FNBP1L: variants seen among roughly 807,000 people sequenced by gnomAD.
FNBP1L encodes formin-binding protein 1-like.
FNBP1L carries 36 observed loss-of-function variants against 91.2 expected under a neutral mutation model. That is an observed-to-expected ratio of 0.39 (90% CI 0.30 to 0.52). The LOEUF (loss-of-function observed/expected upper bound fraction) is 0.52. Among genes scored for constraint, FNBP1L ranks in the 20% least tolerant of loss-of-function variants. FNBP1L has a pLI of 0.66. For missense variants in FNBP1L, 571 were observed against 732.1 expected (o/e 0.78, Z 2.54); for synonymous variants, 242 against 237.0 (o/e 1.02, Z -0.19).
intron 2 of FNBP1L, among the ~76,000 whole-genome samples, chr1:93,517,171 G>A (rs576011410): frequency 4.0e-5 from 6 of 151,646 alleles, no homozygotes; most frequent in African/African-American, 1.2e-4. Context: ...ACCCTCCCGA[G>A]TAGCTGAGAC....
intron 1 of FNBP1L, among the ~76,000 whole-genome samples, chr1:93,487,082 G>A (rs1436671029): frequency 2.6e-5 from 4 of 152,084 alleles, no homozygotes; most frequent in Non-Finnish European, 4.4e-5. Flanking sequence ...CAACAGAACT[G>A]CTCTTAAGAC....
chr1:93,470,625 C>T (rs1669250403), intron 1 of FNBP1L, among the ~76,000 whole-genome samples: 3 of 151,958 alleles, frequency 2.0e-5, no homozygotes, highest in Admixed American at 6.6e-5. Flanking sequence ...GTAATCCTAG[C>T]ACTTTGGGAG....
intron 2 of FNBP1L, among the ~76,000 whole-genome samples, chr1:93,513,064 C>G (rs1670923511): frequency 6.6e-6 from 1 of 151,538 alleles, no homozygotes; most frequent in African/African-American, 2.4e-5. Flanking sequence ...CAAATAGACG[C>G]AATAAAAAAT....
chr1:93,534,954 A>G, intron 9 of FNBP1L, 46 bp downstream of exon 9: 4 of 1,447,702 alleles, frequency 2.8e-6, no homozygotes, highest in Non-Finnish European at 3.8e-6. Flanking sequence ...TAAGTGTACC[A>G]ACTAAAACAA....
At position 93,553,930 on chromosome 1, in the gene FNBP1L, T is replaced by G. The variant is rs1672495771; in HGVS notation, c.*1514T>G. Reference sequence around the variant, plus strand: ...GTGAAATGGTTTGTGTATTATTGAATTTTAAGCAATATTTTAGAAGCTGTG... The same window carrying G: ...GTGAAATGGTTTGTGTATTATTGAAGTTTAAGCAATATTTTAGAAGCTGTG... On this transcript the variant is annotated 3_prime_UTR_variant, in exon 17 of 17. Transcript: ENST00000271234. The G allele has an allele frequency of 6.6e-6, 1 of 152,624 alleles. No homozygotes were observed. The allele number at this position is 152,624 out of a possible 1,614,324, so 9.5% of individuals were successfully genotyped here. A position where few individuals can be genotyped will look rare whatever the true frequency, so the allele number is the denominator to read the frequency against.
intron 1 of FNBP1L, among the ~76,000 whole-genome samples, chr1:93,448,967 G>A (rs1668383676): frequency 6.6e-6 from 1 of 152,250 alleles, no homozygotes; most frequent in Admixed American, 6.5e-5. Flanking sequence ...GGCCACCCCC[G>A]GCTGCAGCCT....
intron 1 of FNBP1L, among the ~76,000 whole-genome samples, chr1:93,478,013 T>C (rs1270667846): frequency 6.6e-6 from 1 of 152,186 alleles, no homozygotes; most frequent in African/African-American, 2.4e-5. Context: ...ACAGATTCAC[T>C]TTGGTTGTAG....
chr1:93,455,995 TG>T (rs968262814), intron 1 of FNBP1L, among the ~76,000 whole-genome samples: 1 of 152,226 alleles, frequency 6.6e-6, no homozygotes, highest in African/African-American at 2.4e-5. Flanking sequence ...TACCTGGGCA[TG>T]GGGGTACACC....
At chr1:93,542,238 T>G (rs899903670) in intron 11 of FNBP1L, among the ~76,000 whole-genome samples, 1 of 151,972 alleles carries the variant, frequency 6.6e-6, no homozygotes, top group African/African-American at 2.4e-5. Flanking sequence ...AGAGCTATGA[T>G]CACTCAACTG....
chr1:93,476,747 C>CT (rs576560576), intron 1 of FNBP1L, among the ~76,000 whole-genome samples: 326 of 152,080 alleles, frequency 2.1e-3, no homozygotes, highest in African/African-American at 7.6e-3. Flanking sequence ...TGCAAATACT[C>CT]TTAAACAGGA....
chr1:93,551,339 T>G (rs1230861948), intron 16 of FNBP1L: 29 of 1,182,424 alleles, frequency 2.5e-5, no homozygotes, highest in Non-Finnish European at 2.5e-5. Context: ...TGAAGCTTAA[T>G]TGATGCCTTT....
intron 2 of FNBP1L, among the ~76,000 whole-genome samples, chr1:93,505,156 G>T (rs1670568237): frequency 7.2e-6 from 1 of 139,402 alleles, no homozygotes; most frequent in African/African-American, 2.8e-5. Flanking sequence ...TTGTCGCCCA[G>T]CCTGGAGTGC....
intron 1 of FNBP1L, among the ~76,000 whole-genome samples, chr1:93,462,121 T>G (rs956170802): frequency 6.6e-6 from 1 of 152,128 alleles, no homozygotes; most frequent in Non-Finnish European, 1.5e-5. Context: ...GAAAGAGTCA[T>G]GAAACAAAAG....
chr1:93,482,228 T>C (rs1225530144), intron 1 of FNBP1L, among the ~76,000 whole-genome samples: 2 of 152,036 alleles, frequency 1.3e-5, no homozygotes, highest in African/African-American at 4.8e-5. Context: ...CCCAAAAAAT[T>C]TTTTTGTTTG....
intron 1 of FNBP1L, among the ~76,000 whole-genome samples, chr1:93,489,199 C>T (rs1221649013): frequency 6.6e-6 from 1 of 151,912 alleles, no homozygotes; most frequent in Non-Finnish European, 1.5e-5. Context: ...TAGAGAGGGG[C>T]AAGGACAGTG....
chr1:93,536,952 T>TA (rs952194344), intron 10 of FNBP1L, among the ~76,000 whole-genome samples: 1 of 151,852 alleles, frequency 6.6e-6, no homozygotes, highest in African/African-American at 2.4e-5. Flanking sequence ...TTCCAATAGT[T>TA]AAAAAAAATT....
intron 2 of FNBP1L, among the ~76,000 whole-genome samples, chr1:93,508,177 A>G (rs931356355): frequency 4.0e-5 from 6 of 151,514 alleles, no homozygotes; most frequent in African/African-American, 1.2e-4. Flanking sequence ...GTGAAACCCC[A>G]TATCTATTAA....
At chr1:93,533,419 A>C (rs1449608197) in intron 8 of FNBP1L, among the ~76,000 whole-genome samples, 1 of 152,208 alleles carries the variant, frequency 6.6e-6, no homozygotes, top group Non-Finnish European at 1.5e-5. Context: ...TGCCTTTAGC[A>C]CTTGAGCTGG....
In FNBP1L at chr1:93,530,843, A is replaced by G; in HGVS notation, c.599A>G (p.Gln200Arg). Residue 200 changes from glutamine (Q) to arginine (R), a missense_variant, in exon 7 of 17, where the codon CAA (glutamine) becomes CGA (arginine). Physicochemically the swap from Gln to Arg is conservative, Grantham distance 43 (BLOSUM62 1). Coordinates refer to ENST00000271234, the MANE Select transcript of FNBP1L (RefSeq NM_001164473.3). Reference protein sequence around the residue: ...AAQLQNFNGEQHKHFYVVIPQ... With the variant: ...AAQLQNFNGERHKHFYVVIPQ... ...CAATTACAAAACTTTAATGGAGAAC[A>G]ACATAAACATTTTTATGTAGTGATT... is the stretch of plus-strand genomic sequence containing the variant. 6.4e-7 allele frequency: 1 copy of G among 1,554,710 alleles called. No homozygotes were observed. The highest frequency in any genetic ancestry group is 2.4e-5 in the East Asian group (1 of 42,104).
Sources: gnomAD v4.1 joint callset for allele counts (sites outside exome capture counted in the v4.1 genomes callset) on GRCh38, gnomAD v4.1.1 for gene constraint, MANE v1.5 for transcripts, NCBI Gene and HGNC (gene_info 2026-07-23, HGNC 2026-07-21) for gene names.